Variants in STXBP2 observed in about 807,000 individuals in gnomAD.
STXBP2 encodes the protein syntaxin-binding protein 2.
In STXBP2, 47 loss-of-function variants were observed where a neutral mutation model predicts 72.2. That is an observed-to-expected ratio of 0.65 (90% CI 0.51 to 0.83). STXBP2 has a LOEUF of 0.83. Ranked by LOEUF, STXBP2 falls within the 40% of genes least tolerant of loss-of-function variation. The pLI, the probability that STXBP2 is intolerant of heterozygous loss-of-function variation, is 0.00. For missense variants in STXBP2, 702 were observed against 807.6 expected (o/e 0.87, Z 1.58); for synonymous variants, 367 against 338.7 (o/e 1.08, Z -0.92).
chr19:7,631,397 G>A, the STXBP2 span: 4 of 1,214,974 alleles, frequency 3.3e-6, no homozygotes, highest in Admixed American at 2.4e-5. Context: ...GGGAGAGGTG[G>A]GCGGGGGGGG....
intron 4 of STXBP2, 110 bp from the exon 5 acceptor site, chr19:7,640,621 G>T (rs760331773): frequency 7.2e-7 from 1 of 1,396,682 alleles, no homozygotes; most frequent in South Asian, 1.2e-5. Context: ...ACATGTCCCC[G>T]TCCGTCCATG....
At chr19:7,640,118 ATGCGTGTGTATGTATG>A (rs1568464693) in intron 4 of STXBP2, 2 of 538,400 alleles carry the variant, frequency 3.7e-6, no homozygotes, top group East Asian at 3.9e-5. Flanking sequence ...GCATGTGTGT[ATGCGTGTGTATGTATG>A]TGTGTGTGCA....
At chr19:7,643,307 G>T in intron 13 of STXBP2, 62 bp downstream of exon 13, 1 of 1,555,158 alleles carries the variant, frequency 6.4e-7, no homozygotes, top group Non-Finnish European at 8.8e-7. Context: ...ATTGGGGAGG[G>T]GCTGAACTGT....
At chr19:7,633,116 C>G, upstream of STXBP2, 1 of 1,007,042 alleles carries the variant, frequency 9.9e-7, no homozygotes, top group East Asian at 2.6e-5. Flanking sequence ...TAGATTGGGG[C>G]CTGATGAGTG....
In STXBP2 at chr19:7,642,619, A is replaced by G; in HGVS notation, c.902+83A>G. On this transcript the variant is annotated intron_variant, in intron 10 of 18. Transcript: ENST00000221283. The surrounding 1 kb of genome is among the most constrained non-coding windows in gnomAD (Gnocchi z 6.0). ...GCCTTGGGATCCCTGGCTGCTGCCAAGTCTTTGGCCCTCATGAGCACCCCT... is the reference window on the plus strand; with the variant it reads ...GCCTTGGGATCCCTGGCTGCTGCCAGGTCTTTGGCCCTCATGAGCACCCCT... The G allele has an allele frequency of 1.3e-6, 2 of 1,556,964 alleles. No individual in the cohort carries two copies. The highest frequency in any genetic ancestry group is 1.7e-5 in the Admixed American group (1 of 59,460).
chr19:7,640,477 CATGTGTGT>C, intron 4 of STXBP2: 2 of 635,016 alleles, frequency 3.1e-6, no homozygotes, highest in Admixed American at 4.5e-5. Context: ...TCTGTGTGTG[CATGTGTGT>C]ATGTGTGTGT....
Position 7,642,211 on chromosome 19 carries a change from G to A in STXBP2, c.672G>A (p.Glu224=), listed in dbSNP as rs371258399. ...CCTAAACCCCACCCCAGGGCCCAGAGAAAACCCGCTCCCAGCTGCTGATAA... is the reference window on the plus strand; with the variant it reads ...CCTAAACCCCACCCCAGGGCCCAGAAAAAACCCGCTCCCAGCTGCTGATAA... ...ADTPSLGEGP[E]KTRSQLLIMD... The change falls in exon 9 of 19, where the codon GAG becomes GAA. Residue 224 remains glutamate (E), a synonymous_variant. Transcript: ENST00000221283. The surrounding 1 kb of genome is among the most constrained non-coding windows in gnomAD (Gnocchi z 6.0). The A allele has an allele frequency of 1.8e-5, 29 of 1,614,036 alleles. No homozygotes were observed. The African/African-American group carries it at 3.2e-4, about 18-fold the overall frequency.
At chr19:7,646,708 C>CT (rs1205138126) in intron 16 of STXBP2, 1 of 404,972 alleles carries the variant, frequency 2.5e-6, no homozygotes, top group African/African-American at 2.0e-5. Flanking sequence ...TGGCTTCCTC[C>CT]TTGTCCCTCT....
the STXBP2 span, chr19:7,630,383 G>T: frequency 3.4e-6 from 2 of 596,208 alleles, no homozygotes; most frequent in East Asian, 2.8e-5. Context: ...CAGGAATGAG[G>T]CCTCCTGGAT....
chr19:7,634,845 A>C (rs1038643035), upstream of STXBP2, among the ~76,000 whole-genome samples: 4 of 152,106 alleles, frequency 2.6e-5, no homozygotes, highest in Non-Finnish European at 5.9e-5. Context: ...TTGTCACTGC[A>C]GCTCTTCACT....
chr19:7,631,789 G>C, the STXBP2 span: 3 of 1,423,064 alleles, frequency 2.1e-6, no homozygotes. Context: ...GAGGGTCCCA[G>C]CTCGTTTCTG....
chr19:7,632,948 C>G (rs749608973), upstream of STXBP2: 5 of 1,482,596 alleles, frequency 3.4e-6, no homozygotes, highest in South Asian at 1.3e-5. The surrounding 1 kb of genome is among the most constrained non-coding windows in gnomAD (Gnocchi z 5.2). Context: ...TTCCTCAGCT[C>G]TCACCATGGT....
chr19:7,630,955 A>G, the STXBP2 span: 14,516 of 1,367,528 alleles, frequency 0.011, 712 homozygotes, highest in Admixed American at 0.14. Flanking sequence ...CATGCTTGTA[A>G]TCCCAGGGCA....
intron 1 of STXBP2, among the ~76,000 whole-genome samples, chr19:7,638,066 A>G (rs746277022): frequency 6.6e-6 from 1 of 152,226 alleles, no homozygotes; most frequent in Non-Finnish European, 1.5e-5. Context: ...CACAGCAGGA[A>G]TACTTGAGGT....
At position 7,644,640 on chromosome 19, in the gene STXBP2, G is replaced by A. The variant is rs755758613; in HGVS notation, c.1134G>A (p.Glu378=). 36 of 1,613,220 alleles carry A rather than the reference G, an allele frequency of 2.2e-5. No homozygotes were observed. The highest frequency in any genetic ancestry group is 1.5e-4 in the Admixed American group (9 of 59,980). ...EQDLAMGSDA[E]GEKIKDSMKL... ...ACCTGGCCATGGGCTCCGACGCAGA[G>A]GGGGAGAAGATCAAGGACTCCATGA... The change falls in exon 14 of 19, where the codon GAG becomes GAA. Residue 378 remains glutamate (E), a synonymous_variant. Transcript: ENST00000221283.
At chr19:7,645,773 C>T (rs1033133232) in intron 15 of STXBP2, among the ~76,000 whole-genome samples, 1 of 151,512 alleles carries the variant, frequency 6.6e-6, no homozygotes, top group African/African-American at 2.4e-5. Context: ...GCCCTCACCC[C>T]GTCCCCATCT....
chr19:7,639,820 G>A lies in STXBP2; in HGVS notation c.246+13G>A, dbSNP rs1338530886. 6.2e-7 allele frequency: 1 copy of A among 1,613,584 alleles called. No homozygotes were observed. On this transcript the variant is annotated intron_variant, in intron 4 of 18. Coordinates refer to ENST00000221283, the MANE Select transcript of STXBP2 (RefSeq NM_006949.4). ...CCCCACGGAGAAGGTGCCTACATGA[G>A]TGAGCGTGTGTGTATGCGCGTGCAT...
chr19:7,643,361 T>C (rs1599400810), intron 13 of STXBP2, 116 bp downstream of exon 13: 2 of 1,141,636 alleles, frequency 1.8e-6, no homozygotes, highest in African/African-American at 1.6e-5. Flanking sequence ...TGTGGAGAGG[T>C]GGAGGGGCCT....
At position 7,642,984 on chromosome 19, in the gene STXBP2, C is replaced by T. The variant is rs753737127; in HGVS notation, c.962C>T (p.Ala321Val). ...CESKRLTTDK[A>V]NIKDLSQILK... The stretch of plus-strand genomic sequence containing the variant: ...ACCCTCTTCCCCCTACTTCCCCAGG[C>T]GAACATCAAAGACCTATCCCAGATC... The change falls in exon 12 of 19, where the codon GCG (alanine) becomes GTG (valine). Residue 321 changes from alanine to valine, a missense_variant and splice_region_variant. Physicochemically the swap from Ala to Val is moderately conservative, Grantham distance 64 (BLOSUM62 0). Coordinates refer to ENST00000221283, the MANE Select transcript of STXBP2 (RefSeq NM_006949.4). The surrounding 1 kb of genome is among the most constrained non-coding windows in gnomAD (Gnocchi z 6.0). 9.9e-6 allele frequency: 16 copies of T among 1,614,000 alleles called. No individual in the cohort carries two copies. Among genetic ancestry groups the T allele is most frequent in the Admixed American group, 3.3e-5 (2 of 59,986 alleles).
Sources: allele counts gnomAD v4.1 joint callset (sites outside exome capture counted in the v4.1 genomes callset), GRCh38; gene constraint gnomAD v4.1.1; non-coding constraint Gnocchi (gnomAD v3.1); transcripts MANE v1.5; gene names NCBI Gene and HGNC (gene_info 2026-07-23, HGNC 2026-07-21).